The following RPS6KC1 variants were observed in gnomAD, a reference collection of about 807,000 sequenced individuals.
RPS6KC1 encodes inactive ribosomal protein S6 kinase delta-1.
A neutral mutation model predicts 103.8 loss-of-function variants in RPS6KC1; 54 were observed. The observed-to-expected ratio is 0.52, with a 90% CI of 0.42 to 0.65. RPS6KC1 has a LOEUF of 0.65. RPS6KC1 is among the 30% of genes least tolerant of loss of function. The pLI is 0.00. For synonymous variants in RPS6KC1, 439 were observed against 438.7 expected, an observed-to-expected ratio of 1.00 and a Z score of -0.01; for missense variants, 1,151 against 1,253.8, an observed-to-expected ratio of 0.92 and a Z score of 1.24.
the RPS6KC1 span, among the ~76,000 whole-genome samples, chr1:213,498,565 A>G: frequency 6.9e-5 from 10 of 145,370 alleles, no homozygotes; most frequent in African/African-American, 2.3e-4. Context: ...CGCCATTCTC[A>G]TGCCCCAGCC....
the RPS6KC1 span, among the ~76,000 whole-genome samples, chr1:213,800,556 A>G: frequency 6.6e-6 from 1 of 152,140 alleles, no homozygotes; most frequent in Non-Finnish European, 1.5e-5. Flanking sequence ...GCATAATTTC[A>G]TATGTTTAAG....
chr1:213,518,483 A>T, the RPS6KC1 span, among the ~76,000 whole-genome samples: 1 of 152,206 alleles, frequency 6.6e-6, no homozygotes, highest in South Asian at 2.1e-4. Flanking sequence ...GCAAGGAAGG[A>T]TCCTCCCCTA....
chr1:213,740,200 C>T, the RPS6KC1 span, among the ~76,000 whole-genome samples: 9 of 152,040 alleles, frequency 5.9e-5, no homozygotes, highest in African/African-American at 2.2e-4. Context: ...AACAGAAATC[C>T]AACACAATCA....
chr1:213,540,109 C>T, the RPS6KC1 span, among the ~76,000 whole-genome samples: 1 of 151,838 alleles, frequency 6.6e-6, no homozygotes, highest in East Asian at 1.9e-4. Context: ...GTGGCTGTGG[C>T]AATTTCTTCC....
chr1:213,712,825 A>C, the RPS6KC1 span, among the ~76,000 whole-genome samples: 5 of 149,890 alleles, frequency 3.3e-5, no homozygotes, highest in African/African-American at 9.8e-5. Context: ...ACTTTGGCTC[A>C]CCCTCTGTGG....
the RPS6KC1 span, among the ~76,000 whole-genome samples, chr1:213,617,567 A>G: frequency 6.6e-6 from 1 of 152,250 alleles, no homozygotes; most frequent in Non-Finnish European, 1.5e-5. Context: ...TGAGTGGGTT[A>G]TGAAAGCATA....
At chr1:213,244,467 T>G (rs2094420954) in intron 12 of RPS6KC1, among the ~76,000 whole-genome samples, 1 of 152,146 alleles carries the variant, frequency 6.6e-6, no homozygotes, top group Non-Finnish European at 1.5e-5. Context: ...GTTACTTTCT[T>G]TTTTTTCTCC....
At chr1:213,130,537 C>T (rs1428895782) in intron 6 of RPS6KC1, among the ~76,000 whole-genome samples, 2 of 152,150 alleles carry the variant, frequency 1.3e-5, no homozygotes, top group East Asian at 1.9e-4. Flanking sequence ...TATTGACATT[C>T]TTCCAGTGGT....
intron 8 of RPS6KC1, among the ~76,000 whole-genome samples, chr1:213,222,319 A>C (rs942786261): frequency 9.2e-5 from 14 of 152,196 alleles, no homozygotes; most frequent in African/African-American, 3.4e-4. Flanking sequence ...TATCCTTGAG[A>C]GTAATAGCTG....
At chr1:213,814,457 T>C in the RPS6KC1 span, among the ~76,000 whole-genome samples, 1 of 152,118 alleles carries the variant, frequency 6.6e-6, no homozygotes, top group African/African-American at 2.4e-5. Context: ...GAATCATAGG[T>C]GATTAAAGGA....
At chr1:213,667,582 G>T in the RPS6KC1 span, among the ~76,000 whole-genome samples, 2 of 152,178 alleles carry the variant, frequency 1.3e-5, no homozygotes, top group Non-Finnish European at 2.9e-5. Flanking sequence ...ACTAATCAGG[G>T]TGGTGACTGC....
At chr1:213,503,873 T>G in the RPS6KC1 span, among the ~76,000 whole-genome samples, 1 of 152,200 alleles carries the variant, frequency 6.6e-6, no homozygotes, top group East Asian at 1.9e-4. Context: ...AAAGTTTTTT[T>G]GTAATCACCC....
chr1:213,169,161 C>T (rs2091259937), intron 7 of RPS6KC1, among the ~76,000 whole-genome samples: 2 of 152,118 alleles, frequency 1.3e-5, no homozygotes, highest in South Asian at 4.1e-4. Flanking sequence ...GTTTTAGCCT[C>T]ATTCTTCATT....
chr1:213,303,218 G>C, the RPS6KC1 span, among the ~76,000 whole-genome samples: 1 of 152,182 alleles, frequency 6.6e-6, no homozygotes, highest in African/African-American at 2.4e-5. Context: ...GGATCTCCAA[G>C]TCAGTTTCAG....
chr1:213,625,483 G>A, the RPS6KC1 span, among the ~76,000 whole-genome samples: 10 of 151,888 alleles, frequency 6.6e-5, no homozygotes, highest in Non-Finnish European at 1.2e-4. Context: ...CAACGTGCAG[G>A]TTTGTTACAT....
the RPS6KC1 span, among the ~76,000 whole-genome samples, chr1:213,758,744 A>C: frequency 1.4e-4 from 21 of 152,162 alleles, no homozygotes; most frequent in Admixed American, 6.5e-5. Context: ...AGATAACTAG[A>C]ATTAGAAGTG....
At chr1:213,606,185 G>C in the RPS6KC1 span, among the ~76,000 whole-genome samples, 1 of 152,194 alleles carries the variant, frequency 6.6e-6, no homozygotes. Context: ...TTTCCCAAGG[G>C]ATGGAGAAGA....
At chr1:213,059,295 C>T (rs548153524) in intron 1 of RPS6KC1, among the ~76,000 whole-genome samples, 55 of 152,272 alleles carry the variant, frequency 3.6e-4, no homozygotes, top group Non-Finnish European at 6.8e-4. Context: ...TGCCAAAAGG[C>T]ATAGTTTTAT....
chr1:213,501,760 A>C, the RPS6KC1 span, among the ~76,000 whole-genome samples: 1 of 152,094 alleles, frequency 6.6e-6, no homozygotes, highest in African/African-American at 2.4e-5. Context: ...AAAAAAGAAA[A>C]ATAATTGTTG....
Sources: gnomAD v4.1 joint callset for allele counts (sites outside exome capture counted in the v4.1 genomes callset) on GRCh38, gnomAD v4.1.1 for gene constraint, MANE v1.5 for transcripts, NCBI Gene and HGNC (gene_info 2026-07-23, HGNC 2026-07-21) for gene names.